ERBB4: variants seen among roughly 807,000 people sequenced by gnomAD.
The protein encoded by ERBB4 is erb-b2 receptor tyrosine kinase 4.
Under a neutral mutation model 158.0 loss-of-function variants are expected in ERBB4, and 42 were observed. The observed-to-expected ratio is 0.27, with a 90% CI of 0.21 to 0.34. The LOEUF is 0.34. Among genes scored for constraint, ERBB4 ranks in the 10% least tolerant of loss-of-function variants. The pLI is 1.00. For missense variants in ERBB4, 1,333 were observed against 1,624.1 expected (o/e 0.82, Z 3.08); for synonymous variants, 583 against 558.7 (o/e 1.04, Z -0.61).
intron 3 of ERBB4, among the ~76,000 whole-genome samples, chr2:211,794,460 T>G (rs2076340865): frequency 6.6e-6 from 1 of 151,978 alleles, no homozygotes. Context: ...TTTGTGTCCC[T>G]AGTGCCAAAG....
At chr2:211,823,025 C>G (rs2077027436) in intron 3 of ERBB4, among the ~76,000 whole-genome samples, 1 of 151,970 alleles carries the variant, frequency 6.6e-6, no homozygotes, top group Admixed American at 6.6e-5. Context: ...TAGCCCTTCC[C>G]CTGGGCCACA....
chr2:212,396,248 G>T (rs572348596), intron 1 of ERBB4, among the ~76,000 whole-genome samples: 1 of 152,210 alleles, frequency 6.6e-6, no homozygotes, highest in East Asian at 1.9e-4. Flanking sequence ...TTTTGCTGGA[G>T]TCTATTAGCA....
chr2:212,476,918 C>G (rs1275859935), intron 1 of ERBB4, among the ~76,000 whole-genome samples: 1 of 152,048 alleles, frequency 6.6e-6, no homozygotes, highest in Non-Finnish European at 1.5e-5. Context: ...TTATGAAGAT[C>G]TTATTAACTA....
intron 3 of ERBB4, among the ~76,000 whole-genome samples, chr2:211,849,641 A>G (rs1304848231): frequency 1.3e-5 from 2 of 151,784 alleles, no homozygotes; most frequent in African/African-American, 4.8e-5. Context: ...AGAGAAGCCT[A>G]CTCATTATTT....
At chr2:211,918,917 G>GT (rs1188180354) in intron 3 of ERBB4, among the ~76,000 whole-genome samples, 1 of 151,956 alleles carries the variant, frequency 6.6e-6, no homozygotes, top group Non-Finnish European at 1.5e-5. Flanking sequence ...CTGAGATTTT[G>GT]GTGATTTTTG....
intron 1 of ERBB4, among the ~76,000 whole-genome samples, chr2:212,212,361 G>C (rs1320964861): frequency 3.3e-5 from 5 of 152,074 alleles, no homozygotes; most frequent in Non-Finnish European, 5.9e-5. Context: ...AACAGGGCAT[G>C]TGAAGGACCT....
At chr2:211,563,004 C>A (rs1346946906) in intron 19 of ERBB4, among the ~76,000 whole-genome samples, 3 of 152,020 alleles carry the variant, frequency 2.0e-5, no homozygotes, top group Non-Finnish European at 4.4e-5. Flanking sequence ...ATCTCCTGAC[C>A]TTGTGATCCG....
intron 5 of ERBB4, among the ~76,000 whole-genome samples, chr2:211,744,984 T>C (rs1439514841): frequency 6.6e-6 from 1 of 152,244 alleles, no homozygotes; most frequent in Admixed American, 6.5e-5. Context: ...TGATTGTATC[T>C]TTCAGACTCT....
chr2:211,399,471 G>C (rs1349288225), intron 25 of ERBB4, among the ~76,000 whole-genome samples: 1 of 152,132 alleles, frequency 6.6e-6, no homozygotes, highest in Admixed American at 6.6e-5. Context: ...TAGCATCCCT[G>C]ATATTATATA....
intron 20 of ERBB4, among the ~76,000 whole-genome samples, chr2:211,530,068 T>C (rs2066454118): frequency 6.6e-6 from 1 of 152,096 alleles, no homozygotes; most frequent in Admixed American, 6.6e-5. Context: ...TTATTCTTAT[T>C]TGCAGATACA....
At chr2:211,550,707 AAT>A (rs139062710) in intron 20 of ERBB4, among the ~76,000 whole-genome samples, 8,690 of 136,954 alleles carry the variant, frequency 0.063, 464 homozygotes, top group African/African-American at 0.15. Context: ...TATATATAGG[AAT>A]ATATATATAT....
At chr2:211,502,536 C>T (rs999795294) in intron 20 of ERBB4, among the ~76,000 whole-genome samples, 3 of 152,070 alleles carry the variant, frequency 2.0e-5, no homozygotes, top group Non-Finnish European at 4.4e-5. Flanking sequence ...GAAGCAAGGC[C>T]TCCATGAACA....
intron 3 of ERBB4, among the ~76,000 whole-genome samples, chr2:211,872,295 T>A (rs537287821): frequency 1.3e-5 from 2 of 152,300 alleles, no homozygotes; most frequent in South Asian, 4.1e-4. Flanking sequence ...CAAGGATGGA[T>A]ATAAAGTACA....
At chr2:211,861,111 T>TA (rs1402376095) in intron 3 of ERBB4, among the ~76,000 whole-genome samples, 427 of 21,404 alleles carry the variant, frequency 0.02, 21 homozygotes, top group South Asian at 0.045. Flanking sequence ...TTATATATAT[T>TA]TATATATATA....
intron 2 of ERBB4, among the ~76,000 whole-genome samples, chr2:212,049,536 G>A (rs570602135): frequency 1.2e-4 from 19 of 152,112 alleles, no homozygotes; most frequent in African/African-American, 4.3e-4. Flanking sequence ...TATAAACTAC[G>A]TTATGACAGT....
At chr2:212,165,556 A>G (rs943114040) in intron 1 of ERBB4, among the ~76,000 whole-genome samples, 92 of 151,982 alleles carry the variant, frequency 6.1e-4, no homozygotes, top group African/African-American at 2.0e-3. Flanking sequence ...AGCTTCTAAG[A>G]AAGCTTTTTT....
In ERBB4 at chr2:211,455,895, A is replaced by G. The variant is rs779607725; in HGVS notation, c.2488-24795T>C. Among the ~76,000 whole-genome samples, 4 of 152,180 alleles carry G rather than the reference A, an allele frequency of 2.6e-5. 1 individual carries two copies. In the South Asian group the frequency reaches 8.3e-4, roughly 32 times the overall value. ...AATTTTATCAGTCCCAGGAGTAATAAATTTTCCTCTTTCTAAAGAGTAGCC... is the reference window on the plus strand; with the variant it reads ...AATTTTATCAGTCCCAGGAGTAATAGATTTTCCTCTTTCTAAAGAGTAGCC... On this transcript the variant is annotated intron_variant, in intron 20 of 27. Transcript: ENST00000342788.
intron 20 of ERBB4, among the ~76,000 whole-genome samples, chr2:211,533,539 T>G (rs912684944): frequency 1.3e-5 from 2 of 152,042 alleles, no homozygotes; most frequent in African/African-American, 4.8e-5. Flanking sequence ...TTGAGTATTG[T>G]TAGGCAAAAA....
At chr2:212,140,846 AGT>A (rs35461019) in intron 1 of ERBB4, among the ~76,000 whole-genome samples, 7,403 of 131,438 alleles carry the variant, frequency 0.056, 194 homozygotes, top group African/African-American at 0.086. Context: ...AGGAAACATG[AGT>A]GTGTGTGTGT....
Sources: gnomAD v4.1 joint callset for allele counts (sites outside exome capture counted in the v4.1 genomes callset) on GRCh38, gnomAD v4.1.1 for gene constraint, MANE v1.5 for transcripts, NCBI Gene and HGNC (gene_info 2026-07-23, HGNC 2026-07-21) for gene names.